Variants in RIPOR2 observed in about 807,000 individuals in gnomAD.
RIPOR2 encodes the protein RHO family interacting cell polarization regulator 2.
RIPOR2 carries 39 observed loss-of-function variants against 114.5 expected under a neutral mutation model. The observed-to-expected ratio is 0.34, with a 90% CI of 0.26 to 0.44. The LOEUF (loss-of-function observed/expected upper bound fraction) is 0.44. RIPOR2 is among the 20% of genes least tolerant of loss of function. The pLI is 1.00. For synonymous variants in RIPOR2, 445 were observed against 484.4 expected, an observed-to-expected ratio of 0.92 and a Z score of 1.07; for missense variants, 1,007 against 1,255.1, an observed-to-expected ratio of 0.80 and a Z score of 2.99.
intron 12 of RIPOR2, chr6:24,847,478 C>G: frequency 6.7e-7 from 1 of 1,492,234 alleles, no homozygotes; most frequent in South Asian, 1.2e-5. Context: ...AAGAGACATG[C>G]TAAGTCACAC....
chr6:24,827,264 T>TGG (rs1250742294), intron 18 of RIPOR2, among the ~76,000 whole-genome samples: 5 of 152,220 alleles, frequency 3.3e-5, no homozygotes, highest in African/African-American at 1.2e-4. Flanking sequence ...CTCTCTCCCA[T>TGG]GCTCCGTGCT....
At chr6:24,991,687 G>A (rs572027492) in intron 1 of RIPOR2, among the ~76,000 whole-genome samples, 3 of 152,152 alleles carry the variant, frequency 2.0e-5, no homozygotes, top group Non-Finnish European at 4.4e-5. Flanking sequence ...GCTTAGATTA[G>A]GTGGCCACCA....
chr6:24,871,414 C>T (rs1277989595), intron 4 of RIPOR2, among the ~76,000 whole-genome samples: 6 of 152,242 alleles, frequency 3.9e-5, no homozygotes, highest in African/African-American at 9.6e-5. Context: ...TGCAGTGGCA[C>T]GATCTCGGCT....
Position 24,806,289 on chromosome 6 carries a change from T to C in RIPOR2, c.*84A>G, listed in dbSNP as rs1780767229. On this transcript the variant is annotated 3_prime_UTR_variant, in exon 22 of 22. Coordinates refer to ENST00000643898, the MANE Select transcript of RIPOR2 (RefSeq NM_001286445.3). ...TTCAGTTGTCGTGTCTCTCAGGCTC[T>C]AAACAATTTCCAGCCCAAACCACAG... The C allele has an allele frequency of 5.1e-6, 5 of 975,434 alleles. No individual in the cohort carries two copies. The highest frequency in any genetic ancestry group is 6.3e-6 in the Non-Finnish European group (4 of 633,060). 60.4% of individuals were successfully genotyped at this position (975,434 alleles called of 1,614,324 possible).
chr6:24,872,880 C>T lies in RIPOR2; in HGVS notation c.423+1G>A. ...CATCATAATGACTGCATAGTACCTA[C>T]CAGGCGAGAGTTTCTTTTCATATCT... On this transcript the variant is annotated splice_donor_variant, in intron 4 of 21. Transcript: ENST00000643898. LOFTEE classifies it high-confidence loss of function. The T allele has an allele frequency of 6.3e-7, 1 of 1,598,490 alleles. No homozygotes were observed. Among genetic ancestry groups the T allele is most frequent in the Non-Finnish European group, 8.6e-7 (1 of 1,166,952 alleles).
intron 9 of RIPOR2, 74 bp from the exon 10 acceptor site, chr6:24,850,796 G>A: frequency 7.7e-6 from 12 of 1,556,270 alleles, no homozygotes; most frequent in Non-Finnish European, 9.7e-6. Context: ...AGATCAAAAG[G>A]AGAAAGACCT....
At chr6:24,882,079 G>A (rs553082110) in intron 1 of RIPOR2, among the ~76,000 whole-genome samples, 1 of 152,298 alleles carries the variant, frequency 6.6e-6, no homozygotes, top group East Asian at 1.9e-4. Context: ...CATGTGGCAG[G>A]CCCATGCAGC....
At chr6:24,887,516 A>C (rs1025610295) in intron 1 of RIPOR2, among the ~76,000 whole-genome samples, 1 of 152,248 alleles carries the variant, frequency 6.6e-6, no homozygotes, top group African/African-American at 2.4e-5. Context: ...AATTTGAGAG[A>C]TATCTGACTT....
At chr6:24,829,929 G>C (rs1477099739) in intron 17 of RIPOR2, among the ~76,000 whole-genome samples, 2 of 152,274 alleles carry the variant, frequency 1.3e-5, no homozygotes, top group East Asian at 3.9e-4. Context: ...TGTAATGAAA[G>C]AAGTATACAC....
chr6:24,955,074 G>A (rs933352546), intron 1 of RIPOR2, among the ~76,000 whole-genome samples: 1 of 152,308 alleles, frequency 6.6e-6, no homozygotes, highest in African/African-American at 2.4e-5. Context: ...TGGCCAAAAT[G>A]TGAACAAGGA....
chr6:24,887,752 T>C lies in RIPOR2; in HGVS notation c.62-11935A>G, dbSNP rs190457097. ...CATTTCTATTCATTGGGACAGTCAA[T>C]TGTAGGAACTTCTAGATAATTGACA... On this transcript the variant is annotated intron_variant, in intron 1 of 21. Transcript: ENST00000643898. Among the ~76,000 whole-genome samples, 5 of 152,322 alleles carry C rather than the reference T, an allele frequency of 3.3e-5. No homozygotes were observed. The East Asian group carries it at 7.7e-4, about 23-fold the overall frequency.
intron 1 of RIPOR2, among the ~76,000 whole-genome samples, chr6:25,013,691 T>C (rs1775863957): frequency 6.6e-6 from 1 of 152,224 alleles, no homozygotes; most frequent in Admixed American, 6.5e-5. Context: ...TACAAGTTTG[T>C]GACCTGGGCC....
chr6:24,949,818 A>T (rs1772658192), intron 1 of RIPOR2, among the ~76,000 whole-genome samples: 1 of 74,376 alleles, frequency 1.3e-5, no homozygotes, highest in Non-Finnish European at 4.0e-5. Flanking sequence ...CCTGGGTGCT[A>T]TAGCCCACCA....
intron 1 of RIPOR2, among the ~76,000 whole-genome samples, chr6:24,963,511 T>C (rs1205171211): frequency 6.6e-6 from 1 of 152,176 alleles, no homozygotes; most frequent in Non-Finnish European, 1.5e-5. Context: ...AAATGGTATA[T>C]ATGTAGCTCT....
At position 24,830,635 on chromosome 6, in the gene RIPOR2, A is replaced by G. The variant is rs1459330225; in HGVS notation, c.2380T>C (p.Ser794Pro). The change falls in exon 17 of 22, where the codon TCA (serine) becomes CCA (proline). Residue 794 changes from serine (S) to proline (P), a missense_variant. Coordinates refer to ENST00000643898, the MANE Select transcript of RIPOR2 (RefSeq NM_001286445.3). Reference sequence around the variant, plus strand: ...GGGCTGCAGCACTTGGTCCAGAATGACAGCAAAGACAGCTTTTTGTGAAAT... The same window carrying G: ...GGGCTGCAGCACTTGGTCCAGAATGGCAGCAAAGACAGCTTTTTGTGAAAT... Reference protein sequence around the residue: ...PEFHKKLSLLSFWTKCCSPVG... With the variant: ...PEFHKKLSLLPFWTKCCSPVG... The G allele has an allele frequency of 6.4e-7, 1 of 1,551,400 alleles. No homozygotes were observed. Among genetic ancestry groups the G allele is most frequent in the African/African-American group, 1.4e-5 (1 of 73,172 alleles).
Position 24,835,837 on chromosome 6 carries a change from G to T in RIPOR2, c.2074C>A (p.Leu692Ile). 2 of 1,551,632 alleles carry T rather than the reference G, an allele frequency of 1.3e-6. No individual in the cohort carries two copies. Among genetic ancestry groups the T allele is most frequent in the Non-Finnish European group, 1.7e-6 (2 of 1,146,982 alleles). ...RSVHPEARGH[L>I]SEALTEDTGV... ...GTGTCTTCAGTGAGCGCTTCACTGA[G>T]ATGCCCCCTGGCTTCTGGGTGAACC... The change falls in exon 15 of 22, where the codon CTC becomes ATC. Residue 692 changes from leucine (L) to isoleucine (I), a missense_variant. Leu to Ile is a conservative substitution (Grantham distance 5). Transcript: ENST00000643898.
intron 1 of RIPOR2, among the ~76,000 whole-genome samples, chr6:24,925,755 T>TA (rs1770821500): frequency 6.6e-6 from 1 of 152,104 alleles, no homozygotes; most frequent in Non-Finnish European, 1.5e-5. Context: ...CTGCAGCTGG[T>TA]ACTGTTTTCA....
chr6:25,020,064 T>C (rs910789533), intron 1 of RIPOR2, among the ~76,000 whole-genome samples: 2 of 152,068 alleles, frequency 1.3e-5, no homozygotes, highest in African/African-American at 2.4e-5. Flanking sequence ...TACAGGATAT[T>C]TTTATGTCTC....
At chr6:24,989,935 C>T (rs928788532) in intron 1 of RIPOR2, among the ~76,000 whole-genome samples, 6 of 151,796 alleles carry the variant, frequency 4.0e-5, no homozygotes, top group African/African-American at 1.5e-4. Context: ...GAGGCTGAGG[C>T]AGGGAGAATT....
Sources: gnomAD v4.1 joint callset for allele counts (sites outside exome capture counted in the v4.1 genomes callset) on GRCh38, gnomAD v4.1.1 for gene constraint, MANE v1.5 for transcripts, NCBI Gene and HGNC (gene_info 2026-07-23, HGNC 2026-07-21) for gene names.